SH3PXD2A: variants seen among roughly 807,000 people sequenced by gnomAD.
SH3PXD2A encodes SH3 and PX domain-containing protein 2A.
Under a neutral mutation model 115.2 loss-of-function variants are expected in SH3PXD2A, and 32 were observed. The ratio of observed to expected loss-of-function variants is 0.28; its 90% CI spans 0.21 to 0.37. The LOEUF (loss-of-function observed/expected upper bound fraction) is 0.37. Ranked by LOEUF, SH3PXD2A falls within the 10% of genes least tolerant of loss-of-function variation. The pLI is 1.00. For synonymous variants in SH3PXD2A, 610 were observed against 629.1 expected, an observed-to-expected ratio of 0.97 and a Z score of 0.45; for missense variants, 1,328 against 1,498.7, an observed-to-expected ratio of 0.89 and a Z score of 1.88.
chr10:103,811,292 G>A (rs117332820), intron 1 of SH3PXD2A, among the ~76,000 whole-genome samples: 4 of 152,326 alleles, frequency 2.6e-5, no homozygotes, highest in Non-Finnish European at 5.9e-5. Flanking sequence ...AGTCCAAAGA[G>A]TCAGCTCCGC....
At chr10:103,850,487 G>A (rs1057029454) in intron 1 of SH3PXD2A, among the ~76,000 whole-genome samples, 1 of 152,212 alleles carries the variant, frequency 6.6e-6, no homozygotes, top group African/African-American at 2.4e-5. Flanking sequence ...CAGAGGGACA[G>A]AGAGAGCAGG....
rs146674781 is a variant in SH3PXD2A, at chr10:103,626,976, G to A, written c.718+113C>T. On this transcript the variant is annotated intron_variant, in intron 9 of 14. Coordinates refer to ENST00000369774, the MANE Select transcript of SH3PXD2A (RefSeq NM_001394015.1). ...CTGAGATGGGATCCCAAGGGAGGAG[G>A]CTAGGATATGGCTCAGCTCACTTTA... 32 of 651,918 alleles carry A rather than the reference G, an allele frequency of 4.9e-5. No homozygotes were observed. The African/African-American group carries it at 5.0e-4, about 10-fold the overall frequency. The allele number at this position is 651,918 out of a possible 1,614,324, so 40.4% of individuals were successfully genotyped here.
chr10:103,762,014 C>CGTTTTTTTTTTT (rs2038704996), intron 3 of SH3PXD2A, among the ~76,000 whole-genome samples: 1 of 90,684 alleles, frequency 1.1e-5, no homozygotes, highest in Non-Finnish European at 2.3e-5. Flanking sequence ...ATCAACACGT[C>CGTTTTTTTTTTT]TTTTTTTTTT....
intron 10 of SH3PXD2A, among the ~76,000 whole-genome samples, chr10:103,617,748 CCT>C (rs754949137): frequency 1.1e-4 from 16 of 152,318 alleles, no homozygotes; most frequent in African/African-American, 2.9e-4. Flanking sequence ...CGAAATGTGC[CCT>C]GTTTCCATCT....
At chr10:103,653,890 C>A (rs1185602440) in intron 8 of SH3PXD2A, among the ~76,000 whole-genome samples, 2 of 151,982 alleles carry the variant, frequency 1.3e-5, no homozygotes, top group East Asian at 3.9e-4. Context: ...TTCTCCGGCT[C>A]ACCAGCTTCC....
Position 103,620,875 on chromosome 10 carries a change from G to GT in SH3PXD2A, c.802+1594dup, listed in dbSNP as rs761750080. Among the ~76,000 whole-genome samples the GT allele has an allele frequency of 1.2e-3, 187 of 152,316 alleles. 3 individuals are homozygous for GT. The highest frequency in any genetic ancestry group is 4.0e-4 in the Non-Finnish European group (27 of 68,030). ...TGCAAGGCGTTGTGTGTATGAAGCT[G>GT]TATGTGCCCTTGTGAGTGTTGCTGT... is the stretch of plus-strand genomic sequence containing the variant. On this transcript the variant is annotated intron_variant, in intron 10 of 14. Coordinates refer to ENST00000369774, the MANE Select transcript of SH3PXD2A (RefSeq NM_001394015.1). This position sits in a 1 kb window ranked among gnomAD's most constrained non-coding sequence, Gnocchi z 5.3.
At chr10:103,761,167 T>C (rs2038696082) in intron 3 of SH3PXD2A, among the ~76,000 whole-genome samples, 2 of 152,232 alleles carry the variant, frequency 1.3e-5, no homozygotes, top group South Asian at 4.1e-4. Flanking sequence ...TACTCAGGTC[T>C]GTGGTCTAGT....
At chr10:103,650,089 A>G (rs1023583422) in intron 8 of SH3PXD2A, among the ~76,000 whole-genome samples, 2 of 152,210 alleles carry the variant, frequency 1.3e-5, no homozygotes, top group Non-Finnish European at 2.9e-5. Context: ...TTAAATGCAC[A>G]GGGATGGGGA....
intron 6 of SH3PXD2A, among the ~76,000 whole-genome samples, chr10:103,672,535 C>T (rs1000132344): frequency 1.3e-5 from 2 of 152,230 alleles, no homozygotes; most frequent in Non-Finnish European, 2.9e-5. Flanking sequence ...TCCAAAATAG[C>T]GGATGATTCA....
chr10:103,686,745 A>AT (rs760028346), intron 6 of SH3PXD2A, among the ~76,000 whole-genome samples: 39,938 of 128,410 alleles, frequency 0.31, 6,650 homozygotes, highest in South Asian at 0.39. Context: ...TTGCTGGGGA[A>AT]TTTTTTTTTT....
chr10:103,801,996 G>A (rs566478231), intron 1 of SH3PXD2A, among the ~76,000 whole-genome samples: 8 of 152,280 alleles, frequency 5.3e-5, no homozygotes, highest in African/African-American at 1.7e-4. Flanking sequence ...GAGCCACCAC[G>A]CCTGGCCTTT....
At chr10:103,648,962 C>G (rs1295926904) in intron 8 of SH3PXD2A, among the ~76,000 whole-genome samples, 1 of 152,214 alleles carries the variant, frequency 6.6e-6, no homozygotes, top group Non-Finnish European at 1.5e-5. Context: ...AAAGCCCATT[C>G]CAAAGGTGTT....
intron 4 of SH3PXD2A, among the ~76,000 whole-genome samples, chr10:103,734,277 G>A (rs989664635): frequency 6.6e-6 from 1 of 152,140 alleles, no homozygotes; most frequent in African/African-American, 2.4e-5. Context: ...TTTGAGTCAG[G>A]AACCACAGTG....
At position 103,759,839 on chromosome 10, in the gene SH3PXD2A, G is replaced by A. The variant is rs145167238; in HGVS notation, c.229+7255C>T. 9.2e-5 allele frequency among the ~76,000 whole-genome samples: 14 copies of A among 152,284 alleles called. No individual in the cohort carries two copies. The East Asian group carries it at 2.1e-3, about 23-fold the overall frequency. On this transcript the variant is annotated intron_variant, in intron 3 of 14. Transcript: ENST00000369774. The stretch of plus-strand genomic sequence containing the variant: ...GCTGCCCTGAGAGGCTGGTGACCCC[G>A]CCACGCTTGGCCCAATGTCCTAAGG...
intron 1 of SH3PXD2A, among the ~76,000 whole-genome samples, chr10:103,841,440 G>C (rs2039597140): frequency 6.6e-6 from 1 of 152,140 alleles, no homozygotes; most frequent in Admixed American, 6.5e-5. Context: ...TGCTGATGGA[G>C]ACTGTGTTTC....
At chr10:103,653,639 G>A (rs1435888575) in intron 8 of SH3PXD2A, among the ~76,000 whole-genome samples, 1 of 152,212 alleles carries the variant, frequency 6.6e-6, no homozygotes, top group Non-Finnish European at 1.5e-5. Flanking sequence ...ACAGCATGGT[G>A]GAGGGAGCAC....
At chr10:103,830,576 C>T (rs2039474158) in intron 1 of SH3PXD2A, among the ~76,000 whole-genome samples, 1 of 152,118 alleles carries the variant, frequency 6.6e-6, no homozygotes, top group Non-Finnish European at 1.5e-5. Flanking sequence ...GTGTTGGAGG[C>T]AAGCAACTTC....
At position 103,847,769 on chromosome 10, in the gene SH3PXD2A, C is replaced by T. The variant is rs550956875; in HGVS notation, c.72+7426G>A. 1.7e-3 allele frequency among the ~76,000 whole-genome samples: 255 copies of T among 152,212 alleles called. 2 individuals carry two copies. Among genetic ancestry groups the T allele is most frequent in the Admixed American group, 4.3e-3 (66 of 15,298 alleles). Reference sequence around the variant, plus strand: ...GCCTGGCCAACATGGCAAAACCCCACCTCTACTAAGAATACAAAAATTAGC... The same window carrying T: ...GCCTGGCCAACATGGCAAAACCCCATCTCTACTAAGAATACAAAAATTAGC... On this transcript the variant is annotated intron_variant, in intron 1 of 14. Coordinates refer to ENST00000369774, the MANE Select transcript of SH3PXD2A (RefSeq NM_001394015.1).
rs1423314508 is a variant in SH3PXD2A, at chr10:103,595,855, C to T, written c.*5961G>A. Reference sequence around the variant, plus strand: ...CAGTCTGTAAGCACCAGTGTGCCCACCTTATGGCCTGGGGACCCAGGTTTG... The same window carrying T: ...CAGTCTGTAAGCACCAGTGTGCCCATCTTATGGCCTGGGGACCCAGGTTTG... On this transcript the variant is annotated 3_prime_UTR_variant, in exon 15 of 15. Transcript: ENST00000369774. The T allele has an allele frequency of 6.6e-6, 1 of 152,600 alleles. No homozygotes were observed. Among genetic ancestry groups the T allele is most frequent in the African/African-American group, 2.4e-5 (1 of 41,424 alleles). 9.5% of individuals were successfully genotyped at this position (152,600 alleles called of 1,614,324 possible).
Sources: allele counts gnomAD v4.1 joint callset (sites outside exome capture counted in the v4.1 genomes callset), GRCh38; gene constraint gnomAD v4.1.1; non-coding constraint Gnocchi (gnomAD v3.1); transcripts MANE v1.5; gene names NCBI Gene and HGNC (gene_info 2026-07-23, HGNC 2026-07-21).